RALYL: variants seen among roughly 807,000 people sequenced by gnomAD.
RALYL encodes the protein RNA-binding Raly-like protein.
A neutral mutation model predicts 35.1 loss-of-function variants in RALYL; 29 were observed. The ratio of observed to expected loss-of-function variants is 0.83; its 90% CI spans 0.61 to 1.13. RALYL has a LOEUF of 1.13. Ranked by LOEUF, RALYL falls within the 50% of genes most tolerant of loss-of-function variation. The probability of loss-of-function intolerance (pLI) is 0.00; values close to 1 mark genes in which losing one functional copy is unlikely to be tolerated. For synonymous variants in RALYL, 120 were observed against 127.6 expected, an observed-to-expected ratio of 0.94 and a Z score of 0.40; for missense variants, 359 against 360.4, an observed-to-expected ratio of 1.00 and a Z score of 0.03.
chr8:84,428,812 AT>A (rs1377153861), intron 1 of RALYL, among the ~76,000 whole-genome samples: 1 of 152,094 alleles, frequency 6.6e-6, no homozygotes. Context: ...ACATTTCCTA[AT>A]TTATCTGACC....
At chr8:84,236,552 G>C (rs925964849) in intron 1 of RALYL, among the ~76,000 whole-genome samples, 24 of 152,194 alleles carry the variant, frequency 1.6e-4, no homozygotes, top group African/African-American at 5.3e-4. Flanking sequence ...CGATTGGGTT[G>C]CCACCTTATG....
intron 2 of RALYL, among the ~76,000 whole-genome samples, chr8:84,567,832 TA>T (rs2061894707): frequency 1.3e-5 from 2 of 151,710 alleles, no homozygotes; most frequent in African/African-American, 4.8e-5. Flanking sequence ...CAACAGGTCA[TA>T]AGCATTCCCT....
intron 2 of RALYL, among the ~76,000 whole-genome samples, chr8:84,636,182 A>G (rs1825021579): frequency 6.6e-6 from 1 of 151,762 alleles, no homozygotes; most frequent in South Asian, 2.1e-4. Flanking sequence ...CATATCTACA[A>G]AAAGCCACCT....
intron 8 of RALYL, chr8:84,906,975 A>G (rs1283136316): frequency 1.0e-6 from 1 of 985,136 alleles, no homozygotes; most frequent in Non-Finnish European, 1.2e-6. Flanking sequence ...TGCCTGCTCC[A>G]GGATAGCCTG....
At chr8:84,252,627 G>T (rs1830422241) in intron 1 of RALYL, among the ~76,000 whole-genome samples, 1 of 152,136 alleles carries the variant, frequency 6.6e-6, no homozygotes, top group Non-Finnish European at 1.5e-5. Flanking sequence ...TGTAGACATT[G>T]CTTGCGTGAT....
rs11997345 is a variant in RALYL, at chr8:84,436,895, T to C, written c.-23-92404T>C. 5.1e-3 allele frequency among the ~76,000 whole-genome samples: 781 copies of C among 152,122 alleles called. 6 individuals carry two copies. The highest frequency in any genetic ancestry group is 0.017 in the African/African-American group (702 of 41,524). On this transcript the variant is annotated intron_variant, in intron 1 of 8. Coordinates refer to ENST00000521268, the MANE Select transcript of RALYL (RefSeq NM_173848.7). ...ATTTTAATAATTTCAAGTTTTGTTT[T>C]AGATTTAAGAGGTATATCTGCAGAT...
chr8:84,875,197 CT>C (rs1269113088), intron 7 of RALYL, among the ~76,000 whole-genome samples: 1 of 152,012 alleles, frequency 6.6e-6, no homozygotes, highest in Non-Finnish European at 1.5e-5. Flanking sequence ...CAATATTTCC[CT>C]TTGAGGAACT....
intron 1 of RALYL, among the ~76,000 whole-genome samples, chr8:84,415,927 T>G (rs2044653669): frequency 6.6e-6 from 1 of 152,214 alleles, no homozygotes; most frequent in Admixed American, 6.5e-5. Context: ...GATATGAGTA[T>G]CTTTTCATTG....
chr8:84,869,190 T>C (rs1839735759), intron 6 of RALYL, among the ~76,000 whole-genome samples: 1 of 152,122 alleles, frequency 6.6e-6, no homozygotes, highest in South Asian at 2.1e-4. Context: ...ATAAAAAATA[T>C]AGAATTGAAA....
At chr8:84,297,692 C>A (rs1018829198) in intron 1 of RALYL, among the ~76,000 whole-genome samples, 1 of 152,102 alleles carries the variant, frequency 6.6e-6, no homozygotes, top group Non-Finnish European at 1.5e-5. Flanking sequence ...TTCTTTTTCT[C>A]TGCAGCCTTG....
chr8:84,726,796 C>A (rs1420380776), intron 2 of RALYL, among the ~76,000 whole-genome samples: 2 of 151,930 alleles, frequency 1.3e-5, no homozygotes, highest in Non-Finnish European at 2.9e-5. Flanking sequence ...ATTTACTTAG[C>A]AAACATTTAT....
chr8:84,736,168 G>A (rs1434447199), intron 2 of RALYL, among the ~76,000 whole-genome samples: 1 of 152,064 alleles, frequency 6.6e-6, no homozygotes, highest in Admixed American at 6.6e-5. Flanking sequence ...TCCCAGTGCA[G>A]TAAATATATT....
At chr8:84,488,535 C>A (rs1222138367) in intron 1 of RALYL, among the ~76,000 whole-genome samples, 1 of 151,964 alleles carries the variant, frequency 6.6e-6, no homozygotes, top group Non-Finnish European at 1.5e-5. Flanking sequence ...AACCTTGCTC[C>A]CTTTCTTCCC....
At chr8:84,670,144 T>A (rs1189350411) in intron 2 of RALYL, among the ~76,000 whole-genome samples, 5 of 151,976 alleles carry the variant, frequency 3.3e-5, no homozygotes, top group Admixed American at 6.5e-5. Context: ...AATAATAACC[T>A]CCCACCTCTT....
chr8:84,217,592 C>T (rs751514777), intron 1 of RALYL, among the ~76,000 whole-genome samples: 33 of 152,034 alleles, frequency 2.2e-4, no homozygotes, highest in East Asian at 9.7e-4. Flanking sequence ...AAGTTGGAAA[C>T]GTAAGGTTTT....
At chr8:84,274,523 T>G (rs1434412058) in intron 1 of RALYL, among the ~76,000 whole-genome samples, 2 of 152,028 alleles carry the variant, frequency 1.3e-5, no homozygotes. Flanking sequence ...AAAGTAAAAG[T>G]AGAAGCACAA....
chr8:84,795,085 CA>C (rs1821612070), intron 3 of RALYL, among the ~76,000 whole-genome samples: 1 of 152,138 alleles, frequency 6.6e-6, no homozygotes, highest in Admixed American at 6.5e-5. Context: ...GCAGAGATTT[CA>C]GTTGAGCATG....
chr8:84,723,078 G>T (rs1042942792), intron 2 of RALYL, among the ~76,000 whole-genome samples: 7 of 151,798 alleles, frequency 4.6e-5, no homozygotes, highest in African/African-American at 1.7e-4. Flanking sequence ...TAATTTAAAG[G>T]ACATTGAAAT....
chr8:84,788,225 A>G (rs1005314069), intron 3 of RALYL, among the ~76,000 whole-genome samples: 4 of 152,030 alleles, frequency 2.6e-5, no homozygotes, highest in Middle Eastern at 3.2e-3. Flanking sequence ...CCAAAACAGC[A>G]TGGTACTGGT....
Sources: gnomAD v4.1 joint callset for allele counts (sites outside exome capture counted in the v4.1 genomes callset) on GRCh38, gnomAD v4.1.1 for gene constraint, MANE v1.5 for transcripts, NCBI Gene and HGNC (gene_info 2026-07-23, HGNC 2026-07-21) for gene names.